Variants in NALF1 observed in about 807,000 individuals in gnomAD.
NALF1 encodes NALCN channel auxiliary factor 1.
NALF1 carries 3 observed loss-of-function variants against 48.4 expected under a neutral mutation model. That is an observed-to-expected ratio of 0.06 (90% CI 0.03 to 0.16). The LOEUF is 0.16. Ranked by LOEUF, NALF1 falls within the 10% of genes least tolerant of loss-of-function variation. NALF1 has a pLI of 1.00. For synonymous variants in NALF1, 262 were observed against 245.7 expected, an observed-to-expected ratio of 1.07 and a Z score of -0.62; for missense variants, 526 against 571.5, an observed-to-expected ratio of 0.92 and a Z score of 0.81.
At chr13:107,613,475 G>T (rs1323819511) in intron 1 of NALF1, among the ~76,000 whole-genome samples, 2 of 152,000 alleles carry the variant, frequency 1.3e-5, no homozygotes, top group African/African-American at 4.8e-5. Context: ...CAAAGTCAAT[G>T]GAATATAACA....
At chr13:107,619,163 C>T (rs1015298729) in intron 1 of NALF1, among the ~76,000 whole-genome samples, 1 of 152,188 alleles carries the variant, frequency 6.6e-6, no homozygotes, top group African/African-American at 2.4e-5. Flanking sequence ...CTGGTGAACA[C>T]CTTACCAGGG....
intron 1 of NALF1, among the ~76,000 whole-genome samples, chr13:107,443,734 T>C (rs985515561): frequency 6.6e-6 from 1 of 152,190 alleles, no homozygotes; most frequent in Non-Finnish European, 1.5e-5. Context: ...CAGTATGTAA[T>C]AGGTACTGAG....
intron 1 of NALF1, among the ~76,000 whole-genome samples, chr13:107,815,220 C>T (rs987975055): frequency 1.3e-5 from 2 of 151,566 alleles, no homozygotes; most frequent in Non-Finnish European, 2.9e-5. Context: ...TAAAAGACAA[C>T]CCAAAGAGTG....
chr13:107,222,192 C>T (rs1594077050), intron 1 of NALF1, among the ~76,000 whole-genome samples: 3 of 152,084 alleles, frequency 2.0e-5, no homozygotes, highest in South Asian at 2.1e-4. Context: ...AAGTAACCGC[C>T]GCCTCCAATT....
At chr13:107,526,878 T>C (rs1876463902) in intron 1 of NALF1, among the ~76,000 whole-genome samples, 1 of 152,146 alleles carries the variant, frequency 6.6e-6, no homozygotes, top group Admixed American at 6.6e-5. Flanking sequence ...CTTTCAGACA[T>C]GAGACAGCTT....
At chr13:107,751,449 C>T (rs1876935372) in intron 1 of NALF1, among the ~76,000 whole-genome samples, 1 of 152,168 alleles carries the variant, frequency 6.6e-6, no homozygotes, top group South Asian at 2.1e-4. Context: ...ACACAAATAA[C>T]TAACTGGCTT....
At chr13:107,204,342 G>C (rs1467106589) in intron 2 of NALF1, among the ~76,000 whole-genome samples, 1 of 152,232 alleles carries the variant, frequency 6.6e-6, no homozygotes, top group Non-Finnish European at 1.5e-5. Context: ...TCTAGCTCGG[G>C]CCTCTGCTGT....
chr13:107,771,879 G>A (rs2138570822), intron 1 of NALF1, among the ~76,000 whole-genome samples: 1 of 152,202 alleles, frequency 6.6e-6, no homozygotes, highest in Admixed American at 6.5e-5. Flanking sequence ...TGGGACTACA[G>A]GCACATGCCA....
At chr13:107,735,309 C>T (rs1049840750) in intron 1 of NALF1, among the ~76,000 whole-genome samples, 1 of 152,112 alleles carries the variant, frequency 6.6e-6, no homozygotes, top group Non-Finnish European at 1.5e-5. Context: ...GACTAAATGA[C>T]GAGTATTTCC....
chr13:107,331,228 C>CT (rs1410596169), intron 1 of NALF1, among the ~76,000 whole-genome samples: 3 of 152,060 alleles, frequency 2.0e-5, no homozygotes, highest in African/African-American at 7.2e-5. Flanking sequence ...TCATATTTAA[C>CT]TTTTTTTCTG....
In NALF1 at chr13:107,266,564, A is replaced by G. The variant is rs1244067727; in HGVS notation, c.916-55809T>C. Among the ~76,000 whole-genome samples the G allele has an allele frequency of 2.6e-5, 4 of 152,142 alleles. No homozygotes were observed. The East Asian group carries it at 7.7e-4, about 29-fold the overall frequency. On this transcript the variant is annotated intron_variant, in intron 1 of 2. Transcript: ENST00000375915. Reference sequence around the variant, plus strand: ...TCTGTAGAAGAATTAGATCCCTATAACTACGTGTGTGTATGTAGATAAATA... The same window carrying G: ...TCTGTAGAAGAATTAGATCCCTATAGCTACGTGTGTGTATGTAGATAAATA...
At chr13:107,275,139 T>C (rs1470010435) in intron 1 of NALF1, among the ~76,000 whole-genome samples, 2 of 152,212 alleles carry the variant, frequency 1.3e-5, no homozygotes. Flanking sequence ...TATTTTTGCC[T>C]TCAAAATAGC....
chr13:107,738,338 T>A (rs1044090065), intron 1 of NALF1, among the ~76,000 whole-genome samples: 3 of 152,190 alleles, frequency 2.0e-5, no homozygotes, highest in Admixed American at 1.3e-4. Flanking sequence ...CTAAGTGGCA[T>A]TTACGCATTC....
At position 107,279,182 on chromosome 13, in the gene NALF1, T is replaced by C. The variant is rs140850330; in HGVS notation, c.916-68427A>G. 1.3e-3 allele frequency among the ~76,000 whole-genome samples: 205 copies of C among 152,166 alleles called. 1 individual carries two copies. The highest frequency in any genetic ancestry group is 4.7e-3 in the African/African-American group (197 of 41,540). On this transcript the variant is annotated intron_variant, in intron 1 of 2. Coordinates refer to ENST00000375915, the MANE Select transcript of NALF1 (RefSeq NM_001080396.3). ...TTCTCCTTTTCTCAAAACATTCATCTACTCTGTACTTCCCCTGGACATGGA... is the reference window on the plus strand; with the variant it reads ...TTCTCCTTTTCTCAAAACATTCATCCACTCTGTACTTCCCCTGGACATGGA...
At chr13:107,252,295 G>C (rs566020527) in intron 1 of NALF1, among the ~76,000 whole-genome samples, 1 of 152,134 alleles carries the variant, frequency 6.6e-6, no homozygotes, top group African/African-American at 2.4e-5. Context: ...CAGCACACGG[G>C]CCTCTTCATG....
At chr13:107,558,991 GC>G (rs1566392935) in intron 1 of NALF1, among the ~76,000 whole-genome samples, 2 of 152,172 alleles carry the variant, frequency 1.3e-5, no homozygotes, top group Non-Finnish European at 2.9e-5. Context: ...GAAACCGTGG[GC>G]TTTCCTGGCC....
intron 1 of NALF1, among the ~76,000 whole-genome samples, chr13:107,601,300 G>A (rs1177421868): frequency 1.3e-5 from 2 of 152,132 alleles, no homozygotes; most frequent in African/African-American, 4.8e-5. Flanking sequence ...AATTCCCCTA[G>A]AACACTTAAA....
intron 1 of NALF1, among the ~76,000 whole-genome samples, chr13:107,524,956 GA>G (rs1383516577): frequency 1.2e-4 from 17 of 146,980 alleles, no homozygotes; most frequent in Admixed American, 1.1e-3. Flanking sequence ...GAGAGAGAGA[GA>G]AAAAAAAATA....
chr13:107,545,974 T>C (rs1257118585), intron 1 of NALF1, among the ~76,000 whole-genome samples: 1 of 152,156 alleles, frequency 6.6e-6, no homozygotes, highest in African/African-American at 2.4e-5. Context: ...TTGTCTTTGT[T>C]AGATAAAAAC....
Sources: gnomAD v4.1 joint callset for allele counts (sites outside exome capture counted in the v4.1 genomes callset) on GRCh38, gnomAD v4.1.1 for gene constraint, MANE v1.5 for transcripts, NCBI Gene and HGNC (gene_info 2026-07-23, HGNC 2026-07-21) for gene names.